AVIL: variants seen among roughly 807,000 people sequenced by gnomAD.
AVIL encodes advillin.
In AVIL, 78 loss-of-function variants were observed where a neutral mutation model predicts 109.9. That is an observed-to-expected ratio of 0.71 (90% confidence interval 0.59 to 0.86). The LOEUF (loss-of-function observed/expected upper bound fraction) is 0.86, where lower values mean the gene tolerates loss of function less well. Among genes scored for constraint, AVIL ranks in the 40% least tolerant of loss-of-function variants. AVIL has a pLI of 0.00. For synonymous variants in AVIL, 367 were observed against 379.1 expected, an observed-to-expected ratio of 0.97 and a Z score of 0.37; for missense variants, 892 against 1,016.5, an observed-to-expected ratio of 0.88 and a Z score of 1.67.
chr12:57,807,861 C>A, intron 11 of AVIL, 134 bp from the exon 12 acceptor site: 1 of 1,283,942 alleles, frequency 7.8e-7, no homozygotes, highest in East Asian at 2.4e-5. Flanking sequence ...GGTTCTCTCC[C>A]AGTGCTGAGG....
rs1956093542 is a variant in AVIL at position 57,815,688 on chromosome 12, G to A, written c.66+287C>T. On this transcript the variant is annotated intron_variant, in intron 2 of 19. Coordinates refer to ENST00000549994, the MANE Select transcript of AVIL (RefSeq NM_006576.4). ...TAGGTCCCACCTGTCTTTCCAGGGT[G>A]TTTCCTGCAAGTGCAGACTCACTGA... 4 of 1,369,906 alleles carry A rather than the reference G, an allele frequency of 2.9e-6. No individual in the cohort carries two copies. The Admixed American group carries it at 7.6e-5, about 26-fold the overall frequency. The allele number at this position is 1,369,906 out of a possible 1,614,324, so 84.9% of individuals were successfully genotyped here.
At position 57,798,120 on chromosome 12, in the gene AVIL, C is replaced by G. The variant is rs143814362; in HGVS notation, c.2347-125G>C. 426 of 529,158 alleles carry G rather than the reference C, an allele frequency of 8.1e-4. 7 individuals carry two copies. Among genetic ancestry groups the G allele is most frequent in the African/African-American group, 7.6e-3 (391 of 51,228 alleles). 32.8% of individuals were successfully genotyped at this position (529,158 alleles called of 1,614,324 possible). ...TTGAAGAGGGAAGTAGAATGAATTT[C>G]TCAGAAAGGCTGTTAAAGATTTAAA... On this transcript the variant is annotated intron_variant, in intron 19 of 19. Coordinates refer to ENST00000549994, the MANE Select transcript of AVIL (RefSeq NM_006576.4).
intron 4 of AVIL, among the ~76,000 whole-genome samples, chr12:57,812,848 G>A (rs1047812879): frequency 3.3e-5 from 5 of 152,160 alleles, no homozygotes; most frequent in East Asian, 1.9e-4. Flanking sequence ...GGACACCTAC[G>A]TTGCCTGCAG....
chr12:57,810,470 C>T lies in AVIL; in HGVS notation c.640G>A (p.Ala214Thr), dbSNP rs765219676. 1.2e-6 allele frequency: 2 copies of T among 1,614,202 alleles called. No individual in the cohort carries two copies. The highest frequency in any genetic ancestry group is 2.2e-5 in the East Asian group (1 of 44,880). The stretch of plus-strand genomic sequence containing the variant: ...ACCTTCATCAGCTCTGGGCTGGCTG[C>T]CTCCTTGTCTCCCTCGATCACTCCT... ...KIGVIEGDKE[A>T]ASPELMKVLQ... Residue 214 changes from alanine to threonine, a missense_variant, in exon 7 of 20, where the codon GCA (alanine) becomes ACA (threonine). By Grantham distance (58) the Ala-to-Thr change is moderately conservative. Coordinates refer to ENST00000549994, the MANE Select transcript of AVIL (RefSeq NM_006576.4).
In AVIL at chr12:57,803,575, G is replaced by T. The variant is rs1955892687; in HGVS notation, c.1766C>A (p.Ala589Asp). 1.2e-6 allele frequency: 2 copies of T among 1,614,042 alleles called. No homozygotes were observed. Among genetic ancestry groups the T allele is most frequent in the South Asian group, 1.1e-5 (1 of 91,080 alleles). Residue 589 changes from alanine (A) to aspartate (D), a missense_variant, in exon 15 of 20, where the codon GCC becomes GAC. Coordinates refer to ENST00000549994, the MANE Select transcript of AVIL (RefSeq NM_006576.4). ...CCCTCCCAGTAGGTCCCAGAACTCG[G>T]CTGGCTCCTGGCCCTCGGCCACAGT... ...ENTVAEGQEP[A>D]EFWDLLGGKT...
rs376543437 is a variant in AVIL at position 57,811,137 on chromosome 12, C to G, written c.339-10G>C. 1 of 1,613,454 alleles carries G rather than the reference C, an allele frequency of 6.2e-7. No individual in the cohort carries two copies. The highest frequency in any genetic ancestry group is 8.5e-7 in the Non-Finnish European group (1 of 1,179,442). ...ACCCCCCTGCTTGTAGCTAAGGGAA[C>G]ATCCATTCAGTTATTTGAGTGCCTG... On this transcript the variant is annotated splice_polypyrimidine_tract_variant and intron_variant, in intron 4 of 19. Transcript: ENST00000549994.
intron 2 of AVIL, 158 bp downstream of exon 2, chr12:57,815,817 G>A (rs565147265): frequency 2.6e-6 from 4 of 1,512,962 alleles, no homozygotes; most frequent in Non-Finnish European, 3.5e-6. Flanking sequence ...GCACCCAGGA[G>A]AGGTGAAGGA....
chr12:57,815,481 C>T (rs1409515928), intron 2 of AVIL: 2 of 959,396 alleles, frequency 2.1e-6, no homozygotes, highest in Non-Finnish European at 2.7e-6. Context: ...AGGGTGGTTC[C>T]CAGCTATGGA....
At chr12:57,805,397 C>T (rs1022989572) in intron 14 of AVIL, among the ~76,000 whole-genome samples, 2 of 152,020 alleles carry the variant, frequency 1.3e-5, no homozygotes, top group Non-Finnish European at 2.9e-5. Context: ...GAATTGACAT[C>T]ATATTTTGTG....
Position 57,797,740 on chromosome 12 carries a change from G to T in AVIL, c.*142C>A. The T allele has an allele frequency of 1.4e-6, 1 of 727,346 alleles. No individual in the cohort carries two copies. Among genetic ancestry groups the T allele is most frequent in the Non-Finnish European group, 1.9e-6 (1 of 514,380 alleles). 45.1% of individuals were successfully genotyped at this position (727,346 alleles called of 1,614,324 possible). On this transcript the variant is annotated 3_prime_UTR_variant, in exon 20 of 20. Transcript: ENST00000549994. The stretch of plus-strand genomic sequence containing the variant: ...GAATGCAAGGATGAGAAAAAATGGA[G>T]AACATGCCGTGATTTGCAGACTCTA...
intron 9 of AVIL, among the ~76,000 whole-genome samples, 186 bp downstream of exon 9, chr12:57,809,411 C>G (rs1302905834): frequency 6.6e-6 from 1 of 152,212 alleles, no homozygotes; most frequent in East Asian, 1.9e-4. Context: ...TATGTCTTCC[C>G]CAGAGCACAC....
At chr12:57,810,592 C>A in intron 6 of AVIL, 41 bp from the exon 7 acceptor site, 1 of 1,603,024 alleles carries the variant, frequency 6.2e-7, no homozygotes, top group South Asian at 1.1e-5. Flanking sequence ...TCCTCTGGGA[C>A]CCCTTTCTGC....
chr12:57,798,842 C>T (rs1203169817), intron 19 of AVIL, among the ~76,000 whole-genome samples: 1 of 152,114 alleles, frequency 6.6e-6, no homozygotes, highest in East Asian at 1.9e-4. Context: ...GTCTCGAACT[C>T]CTGACCTCGT....
chr12:57,808,154 C>T, intron 11 of AVIL, 40 bp downstream of exon 11: 1 of 1,591,984 alleles, frequency 6.3e-7, no homozygotes, highest in Non-Finnish European at 8.6e-7. Context: ...GCCATGAAGG[C>T]CAGTGCTGTC....
At chr12:57,811,435 C>T (rs1271327375) in intron 4 of AVIL, among the ~76,000 whole-genome samples, 2 of 152,224 alleles carry the variant, frequency 1.3e-5, no homozygotes. Flanking sequence ...ACAAAGACCC[C>T]TGCACCACAG....
chr12:57,818,182 C>CTTTTTTTTTTTTTTTTTTTTTTT lies in AVIL; in HGVS notation c.-20+424_-20+446dup, dbSNP rs66731427. 2.6e-4 allele frequency among the ~76,000 whole-genome samples: 9 copies of CTTTTTTTTTTTTTTTTTTTTTTT among 35,272 alleles called. 2 individuals are homozygous for CTTTTTTTTTTTTTTTTTTTTTTT. The highest frequency in any genetic ancestry group is 1.6e-3 in the South Asian group (1 of 608). 23.1% of individuals were successfully genotyped at this position (35,272 alleles called of 152,430 possible). A position where few individuals can be genotyped will look rare whatever the true frequency, so the allele number is the denominator to read the frequency against. On this transcript the variant is annotated intron_variant, in intron 1 of 19. Coordinates refer to ENST00000549994, the MANE Select transcript of AVIL (RefSeq NM_006576.4). ...CACAGGTGTGCACCACCATGCTTGG[C>CTTTTTTTTTTTTTTTTTTTTTTT]TTTTTTTTTTTTTTTTTTTTTTTTT...
At chr12:57,817,865 T>TCC (rs1956116391) in intron 1 of AVIL, among the ~76,000 whole-genome samples, 1 of 152,200 alleles carries the variant, frequency 6.6e-6, no homozygotes, top group Non-Finnish European at 1.5e-5. Flanking sequence ...GCTGGGTCTC[T>TCC]CCTTCTCCCT....
chr12:57,797,551 A>G lies in AVIL; in HGVS notation c.*331T>C. 1.1e-6 allele frequency: 1 copy of G among 918,460 alleles called. No homozygotes were observed. Among genetic ancestry groups the G allele is most frequent in the African/African-American group, 1.8e-5 (1 of 55,940 alleles). 56.9% of individuals were successfully genotyped at this position (918,460 alleles called of 1,614,324 possible). ...AAACAAAGGTAGGTCCTGGTATAAT[A>G]TTAAACATAAAGTTATTAAACATTT... On this transcript the variant is annotated 3_prime_UTR_variant, in exon 20 of 20. Transcript: ENST00000549994.
At position 57,815,999 on chromosome 12, in the gene AVIL, A is replaced by G. The variant is rs990322667; in HGVS notation, c.42T>C (p.Pro14=). The G allele has an allele frequency of 1.9e-6, 3 of 1,614,212 alleles. No individual in the cohort carries two copies. The highest frequency in any genetic ancestry group is 1.7e-6 in the Non-Finnish European group (2 of 1,180,026). Residue 14 remains proline, a synonymous_variant, in exon 2 of 20, where the codon CCT becomes CCC. Transcript: ENST00000549994. ...TSAFRAVDND[P]GIIVWRIEKM... Reference sequence around the variant, plus strand: ...CCTCTATTCTCCAGACAATGATCCCAGGGTCGTTGTCCACAGCCCTGAAGG... The same window carrying G: ...CCTCTATTCTCCAGACAATGATCCCGGGGTCGTTGTCCACAGCCCTGAAGG...
Sources: gnomAD v4.1 joint callset for allele counts (sites outside exome capture counted in the v4.1 genomes callset) on GRCh38, gnomAD v4.1.1 for gene constraint, MANE v1.5 for transcripts, NCBI Gene and HGNC (gene_info 2026-07-23, HGNC 2026-07-21) for gene names.